AVL9: variants seen among roughly 807,000 people sequenced by gnomAD.
The protein encoded by AVL9 is late secretory pathway protein AVL9 homolog.
A neutral mutation model predicts 79.2 loss-of-function variants in AVL9; 49 were observed. The observed-to-expected ratio is 0.62, with a 90% CI of 0.49 to 0.79. AVL9 has a LOEUF of 0.79. AVL9 is among the 30% of genes least tolerant of loss of function. AVL9 has a pLI of 0.00. For synonymous variants in AVL9, 299 were observed against 280.6 expected (o/e 1.07, Z -0.65); for missense variants, 682 against 776.8 (o/e 0.88, Z 1.45).
At chr7:32,527,991 T>C (rs1456705996) in intron 1 of AVL9, among the ~76,000 whole-genome samples, 1 of 152,144 alleles carries the variant, frequency 6.6e-6, no homozygotes, top group Non-Finnish European at 1.5e-5. Context: ...AGACCTTAAA[T>C]CTGACAAACA....
At chr7:32,519,985 A>T (rs1788072015) in intron 1 of AVL9, among the ~76,000 whole-genome samples, 1 of 152,130 alleles carries the variant, frequency 6.6e-6, no homozygotes, top group Non-Finnish European at 1.5e-5. Context: ...TCTTGTGAGA[A>T]CTCACTATCA....
chr7:32,559,466 T>C lies in AVL9; in HGVS notation c.1215+2T>C. 6.6e-7 allele frequency: 1 copy of C among 1,522,244 alleles called. No individual in the cohort carries two copies. Among genetic ancestry groups the C allele is most frequent in the Non-Finnish European group, 8.8e-7 (1 of 1,137,656 alleles). The allele number at this position is 1,522,244 out of a possible 1,614,324, so 94.3% of individuals were successfully genotyped here. On this transcript the variant is annotated splice_donor_variant, in intron 10 of 15. Coordinates refer to ENST00000318709, the MANE Select transcript of AVL9 (RefSeq NM_015060.3). LOFTEE classifies it high-confidence loss of function. ...ATGCCCCTGGCCATCTTCACAAAGGTAAAGTGTAATATTTTTTATCGAATT... is the reference window on the plus strand; with the variant it reads ...ATGCCCCTGGCCATCTTCACAAAGGCAAAGTGTAATATTTTTTATCGAATT...
Position 32,586,465 on chromosome 7 carries a change from C to G in AVL9, c.*2558C>G, listed in dbSNP as rs1023176270. ...AGCCTCACCCCTGGTCCTGTGACCC[C>G]CCCCCCCCACACACACACATACTTC... On this transcript the variant is annotated 3_prime_UTR_variant, in exon 16 of 16. Coordinates refer to ENST00000318709, the MANE Select transcript of AVL9 (RefSeq NM_015060.3). 4.4e-5 allele frequency: 2 copies of G among 44,948 alleles called. 1 individual carries two copies. The highest frequency in any genetic ancestry group is 9.3e-5 in the Non-Finnish European group (2 of 21,540). The allele number at this position is 44,948 out of a possible 1,614,324, so 2.8% of individuals were successfully genotyped here.
At chr7:32,579,453 A>T (rs1424538720) in intron 13 of AVL9, among the ~76,000 whole-genome samples, 5 of 6,780 alleles carry the variant, frequency 7.4e-4, no homozygotes, top group African/African-American at 3.9e-3. Context: ...ATAATATATT[A>T]TATATTATAT....
intron 1 of AVL9, among the ~76,000 whole-genome samples, chr7:32,509,306 C>CA (rs1449423451): frequency 6.6e-6 from 1 of 151,152 alleles, no homozygotes; most frequent in African/African-American, 2.4e-5. Context: ...GAACCAGACC[C>CA]AAAAAAACAC....
chr7:32,516,582 C>A (rs978842175), intron 1 of AVL9, among the ~76,000 whole-genome samples: 2 of 152,034 alleles, frequency 1.3e-5, no homozygotes, highest in African/African-American at 4.8e-5. Flanking sequence ...TACAGGGAAT[C>A]CCCAACAAAA....
intron 1 of AVL9, among the ~76,000 whole-genome samples, chr7:32,525,507 A>G (rs1486455455): frequency 6.6e-6 from 1 of 152,226 alleles, no homozygotes; most frequent in Non-Finnish European, 1.5e-5. Context: ...TTTCTCTTTA[A>G]TAGAAAAGGA....
intron 11 of AVL9, among the ~76,000 whole-genome samples, chr7:32,571,378 A>T (rs1404203371): frequency 6.6e-6 from 1 of 151,766 alleles, no homozygotes; most frequent in Non-Finnish European, 1.5e-5. Context: ...AAATACAAAA[A>T]TTAGCTGGGC....
intron 11 of AVL9, among the ~76,000 whole-genome samples, chr7:32,570,681 G>A (rs760676141): frequency 6.6e-6 from 1 of 150,538 alleles, no homozygotes; most frequent in South Asian, 2.1e-4. Context: ...GTGCAATGGC[G>A]CGATCTCGGC....
chr7:32,535,517 T>A (rs1477064069), intron 1 of AVL9: 1 of 152,250 alleles, frequency 6.6e-6, no homozygotes, highest in Non-Finnish European at 1.5e-5. Context: ...TTCTTCAGCC[T>A]TTTACCCATC....
At chr7:32,524,075 C>T (rs1212499103) in intron 1 of AVL9, among the ~76,000 whole-genome samples, 1 of 151,186 alleles carries the variant, frequency 6.6e-6, no homozygotes, top group Non-Finnish European at 1.5e-5. Context: ...TCTCAAACTC[C>T]TAACTTCAAG....
intron 2 of AVL9, 131 bp downstream of exon 2, chr7:32,543,392 T>C: frequency 1.8e-6 from 2 of 1,142,542 alleles, no homozygotes; most frequent in Non-Finnish European, 2.4e-6. Flanking sequence ...TTTACATGCT[T>C]GTTTGGAGAT....
intron 5 of AVL9, among the ~76,000 whole-genome samples, chr7:32,551,999 C>T (rs1433368764): frequency 8.7e-6 from 1 of 115,490 alleles, no homozygotes; most frequent in African/African-American, 3.2e-5. Context: ...AAGGAATACC[C>T]TGAGTAGCTT....
At chr7:32,564,607 C>G (rs1790473585) in intron 10 of AVL9, among the ~76,000 whole-genome samples, 1 of 152,174 alleles carries the variant, frequency 6.6e-6, no homozygotes, top group Non-Finnish European at 1.5e-5. Context: ...TACCAACTTT[C>G]TAATCCTCTC....
intron 10 of AVL9, among the ~76,000 whole-genome samples, chr7:32,562,360 T>C (rs1317080227): frequency 1.3e-5 from 2 of 152,212 alleles, no homozygotes; most frequent in Non-Finnish European, 2.9e-5. Context: ...ATTATACATA[T>C]GTATTTACTA....
chr7:32,528,351 T>C (rs759855038), intron 1 of AVL9, among the ~76,000 whole-genome samples: 10 of 152,368 alleles, frequency 6.6e-5, no homozygotes, highest in Non-Finnish European at 1.2e-4. Flanking sequence ...GAGGTTGTCA[T>C]GGGTGCATCC....
chr7:32,511,145 T>G (rs1787653241), intron 1 of AVL9, among the ~76,000 whole-genome samples: 3 of 146,274 alleles, frequency 2.1e-5, no homozygotes, highest in African/African-American at 7.6e-5. Context: ...TCAGGTCTGG[T>G]TGTAGGAGTC....
intron 1 of AVL9, among the ~76,000 whole-genome samples, chr7:32,528,011 T>G (rs1001466036): frequency 6.6e-6 from 1 of 152,186 alleles, no homozygotes; most frequent in African/African-American, 2.4e-5. Flanking sequence ...ATTTACAATC[T>G]ATTCTCTCTA....
intron 8 of AVL9, among the ~76,000 whole-genome samples, chr7:32,555,869 G>A (rs1790032391): frequency 6.6e-6 from 1 of 152,108 alleles, no homozygotes; most frequent in Non-Finnish European, 1.5e-5. Flanking sequence ...TAATTCTCCT[G>A]TTAGAGATCT....
Sources: allele counts gnomAD v4.1 joint callset (sites outside exome capture counted in the v4.1 genomes callset), GRCh38; gene constraint gnomAD v4.1.1; transcripts MANE v1.5; gene names NCBI Gene and HGNC (gene_info 2026-07-23, HGNC 2026-07-21).